ITIH2: variants seen among roughly 807,000 people sequenced by gnomAD.
ITIH2 encodes inter-alpha-trypsin inhibitor heavy chain 2, also known as inter-alpha-trypsin inhibitor heavy chain H2.
ITIH2 carries 103 observed loss-of-function variants against 104.4 expected under a neutral mutation model. The ratio of observed to expected loss-of-function variants is 0.99; its 90% confidence interval spans 0.84 to 1.16. The LOEUF (loss-of-function observed/expected upper bound fraction) is 1.16, where lower values mean the gene tolerates loss of function less well. Among genes scored for constraint, ITIH2 ranks in the 50% most tolerant of loss-of-function variants. The pLI, the probability that ITIH2 is intolerant of heterozygous loss-of-function variation, is 0.00. For missense variants in ITIH2, 1,108 were observed against 1,162.4 expected (o/e 0.95, Z 0.68); for synonymous variants, 436 against 435.4 (o/e 1.00, Z -0.02).
At chr10:7,721,102 G>A in intron 7 of ITIH2, 139 bp downstream of exon 7, 1 of 619,546 alleles carries the variant, frequency 1.6e-6, no homozygotes, top group East Asian at 2.8e-5. Flanking sequence ...CCCAAGTAGA[G>A]CCTAGGGCCT....
At chr10:7,722,212 C>T (rs1834911068) in intron 8 of ITIH2, among the ~76,000 whole-genome samples, 2 of 152,086 alleles carry the variant, frequency 1.3e-5, no homozygotes, top group African/African-American at 4.8e-5. Flanking sequence ...TTTCCTTTCC[C>T]CTTCAGTCAT....
chr10:7,732,264 G>A, intron 13 of ITIH2, 74 bp from the exon 14 acceptor site: 1 of 1,469,798 alleles, frequency 6.8e-7, no homozygotes. Flanking sequence ...ATTCGCAGCA[G>A]GTACTAAAAA....
intron 16 of ITIH2, among the ~76,000 whole-genome samples, chr10:7,742,850 GTCTT>G (rs1180526252): frequency 6.6e-6 from 1 of 152,090 alleles, no homozygotes; most frequent in African/African-American, 2.4e-5. Flanking sequence ...TATTCCTTAA[GTCTT>G]TCTTATTCAT....
Position 7,744,273 on chromosome 10 carries a change from A to G in ITIH2, c.2401A>G (p.Asn801Asp), listed in dbSNP as rs147229416. The G allele has an allele frequency of 4.3e-6, 7 of 1,613,656 alleles. No individual in the cohort carries two copies. In the Admixed American group the frequency reaches 8.3e-5, roughly 19 times the overall value. ...CTGGTCCGACACGGCTCAAGTCACG[A>G]ATCAGAGGCAAGTATGATTCCATCT... Reference protein sequence around the residue: ...LSWSDTAQVTNQRVQISVKKE... With the variant: ...LSWSDTAQVTDQRVQISVKKE... Residue 801 changes from asparagine to aspartate, a missense_variant, in exon 18 of 21, where the codon AAT (asparagine) becomes GAT (aspartate). Transcript: ENST00000358415.
At chr10:7,747,144 C>T (rs1835185680) in intron 20 of ITIH2, among the ~76,000 whole-genome samples, 2 of 152,208 alleles carry the variant, frequency 1.3e-5, no homozygotes, top group South Asian at 4.1e-4. Flanking sequence ...AAACCACCCC[C>T]ATATGCTTCA....
chr10:7,741,232 G>C (rs1461005114), intron 16 of ITIH2, among the ~76,000 whole-genome samples: 1 of 139,080 alleles, frequency 7.2e-6, no homozygotes, highest in African/African-American at 2.7e-5. Flanking sequence ...AGGCTGGAGT[G>C]CAATGGCTCG....
chr10:7,709,208 T>C lies in ITIH2; in HGVS notation c.362+17T>C, dbSNP rs1432867492. On this transcript the variant is annotated intron_variant, in intron 4 of 20. Transcript: ENST00000358415. ...CTTCTCCATGTGAGTAACTTCTGTG[T>C]AGAGCCAGAAATTGTAGGTGCTCTA... 1 of 1,611,614 alleles carries C rather than the reference T, an allele frequency of 6.2e-7. No individual in the cohort carries two copies. The highest frequency in any genetic ancestry group is 1.7e-5 in the Admixed American group (1 of 60,022).
intron 20 of ITIH2, 103 bp from the exon 21 acceptor site, chr10:7,749,084 G>A: frequency 8.6e-7 from 1 of 1,161,148 alleles, no homozygotes; most frequent in South Asian, 1.4e-5. Flanking sequence ...GGGGGCGGCA[G>A]ATGTGGTGAC....
rs139050466 is a variant in ITIH2 at position 7,717,734 on chromosome 10, C to G, written c.576C>G (p.Gly192=). ...AGGAGGTGAAGTGGAGGAAGCTGGG[C>G]TCCTATGAGCACAGGATCTATCTGC... ...HYQEVKWRKL[G]SYEHRIYLQP... is the part of the protein sequence containing the mutation. Residue 192 remains glycine, a synonymous_variant, in exon 6 of 21, where the codon GGC becomes GGG. Transcript: ENST00000358415. The G allele has an allele frequency of 3.2e-5, 52 of 1,613,116 alleles. No homozygotes were observed. In the African/African-American group the frequency reaches 6.8e-4, roughly 21 times the overall value.
chr10:7,731,154 G>C lies in ITIH2; in HGVS notation c.1462-657G>C, dbSNP rs186911427. ...GCTGGTCTCAAACTCCTGAACTCAG[G>C]TGATCCGCCTGCCTTGGCCTCCCAA... On this transcript the variant is annotated intron_variant, in intron 12 of 20. Transcript: ENST00000358415. Among the ~76,000 whole-genome samples, 192 of 152,230 alleles carry C rather than the reference G, an allele frequency of 1.3e-3. 1 individual carries two copies. The highest frequency in any genetic ancestry group is 4.5e-3 in the African/African-American group (188 of 41,538).
chr10:7,749,039 T>C, intron 20 of ITIH2, 148 bp from the exon 21 acceptor site: 1 of 742,460 alleles, frequency 1.3e-6, no homozygotes, highest in South Asian at 2.0e-5. Context: ...ACTTGGTGTT[T>C]CTTTTTCACA....
chr10:7,710,191 G>C (rs1834784567), intron 4 of ITIH2, among the ~76,000 whole-genome samples: 2 of 152,214 alleles, frequency 1.3e-5, no homozygotes, highest in South Asian at 4.1e-4. Flanking sequence ...GAAAGCATGA[G>C]AGTACAGACA....
At chr10:7,732,307 G>T (rs908528175) in intron 13 of ITIH2, 31 bp from the exon 14 acceptor site, 1 of 1,598,434 alleles carries the variant, frequency 6.3e-7, no homozygotes, top group Non-Finnish European at 8.6e-7. Context: ...CTGTTACCCA[G>T]TGTCTCTCAA....
intron 20 of ITIH2, among the ~76,000 whole-genome samples, chr10:7,748,208 A>G (rs1398455047): frequency 7.3e-6 from 1 of 137,310 alleles, no homozygotes; most frequent in Non-Finnish European, 1.5e-5. Flanking sequence ...AAATATGTAT[A>G]TATATTTATA....
intron 6 of ITIH2, among the ~76,000 whole-genome samples, chr10:7,720,171 A>G (rs1834888357): frequency 6.6e-6 from 1 of 151,056 alleles, no homozygotes. Flanking sequence ...GGGATGAGAA[A>G]TTACTCAACG....
intron 6 of ITIH2, 109 bp downstream of exon 6, chr10:7,717,897 A>T: frequency 1.9e-6 from 2 of 1,066,682 alleles, no homozygotes; most frequent in Non-Finnish European, 2.8e-6. Context: ...ATGCCACTCA[A>T]CTCTACAAGA....
chr10:7,747,611 G>C (rs964489216), intron 20 of ITIH2, among the ~76,000 whole-genome samples: 1 of 152,186 alleles, frequency 6.6e-6, no homozygotes, highest in Non-Finnish European at 1.5e-5. Context: ...TTACTGCCAG[G>C]CATGGTGGCT....
intron 17 of ITIH2, among the ~76,000 whole-genome samples, chr10:7,743,881 A>T (rs1050455929): frequency 6.6e-6 from 1 of 152,014 alleles, no homozygotes; most frequent in African/African-American, 2.4e-5. Context: ...TTATTAAATT[A>T]AATTTTATTA....
At chr10:7,737,605 CTATAGAA>C in intron 15 of ITIH2, among the ~76,000 whole-genome samples, 3 of 121,276 alleles carry the variant, frequency 2.5e-5, no homozygotes, top group African/African-American at 1.0e-4. Context: ...ATTCTATATT[CTATAGAA>C]TATTCTATAT....
Sources: allele counts gnomAD v4.1 joint callset (sites outside exome capture counted in the v4.1 genomes callset), GRCh38; gene constraint gnomAD v4.1.1; transcripts MANE v1.5; gene names NCBI Gene and HGNC (gene_info 2026-07-23, HGNC 2026-07-21).